IL1RL1: variants seen among roughly 807,000 people sequenced by gnomAD.
IL1RL1 encodes interleukin 1 receptor like 1, also known as interleukin-1 receptor-like 1.
In IL1RL1, 32 loss-of-function variants were observed where a neutral mutation model predicts 50.9. The observed-to-expected ratio is 0.63, with a 90% confidence interval of 0.47 to 0.84. The LOEUF (loss-of-function observed/expected upper bound fraction) is 0.84, where lower values mean the gene tolerates loss of function less well. Among genes scored for constraint, IL1RL1 ranks in the 40% least tolerant of loss-of-function variants. The probability of loss-of-function intolerance (pLI) is 0.00; values close to 1 mark genes in which losing one functional copy is unlikely to be tolerated. For missense variants in IL1RL1, 773 were observed against 662.9 expected (o/e 1.17, Z -1.82); for synonymous variants, 275 against 236.0 (o/e 1.17, Z -1.51).
At chr2:102,335,600 G>C (rs989250055) in intron 1 of IL1RL1, among the ~76,000 whole-genome samples, 1 of 152,138 alleles carries the variant, frequency 6.6e-6, no homozygotes, top group Non-Finnish European at 1.5e-5. Context: ...TTTATAGGAA[G>C]AGTTCAACTT....
intron 1 of IL1RL1, among the ~76,000 whole-genome samples, chr2:102,329,549 G>C (rs1302122761): frequency 1.3e-5 from 2 of 152,126 alleles, no homozygotes; most frequent in African/African-American, 4.8e-5. Flanking sequence ...AGAGTGAACA[G>C]GCAACTTACA....
chr2:102,339,151 G>C, intron 3 of IL1RL1, 104 bp downstream of exon 3: 1 of 751,568 alleles, frequency 1.3e-6, no homozygotes, highest in Non-Finnish European at 2.3e-6. Flanking sequence ...GTCCTTTCTG[G>C]AACAGTTAAA....
At chr2:102,329,220 C>G (rs534830869) in intron 1 of IL1RL1, among the ~76,000 whole-genome samples, 6 of 152,062 alleles carry the variant, frequency 3.9e-5, no homozygotes, top group Admixed American at 6.5e-5. Flanking sequence ...ACAAACCTGA[C>G]AAAAACAAGA....
intron 5 of IL1RL1, 59 bp from the exon 6 acceptor site, chr2:102,342,164 C>A: frequency 2.5e-6 from 3 of 1,184,726 alleles, no homozygotes; most frequent in Non-Finnish European, 3.7e-6. Flanking sequence ...AAAATACAAG[C>A]TTTATATTGA....
chr2:102,324,791 G>A (rs1478273852), intron 1 of IL1RL1, among the ~76,000 whole-genome samples: 1 of 152,364 alleles, frequency 6.6e-6, no homozygotes, highest in Non-Finnish European at 1.5e-5. Context: ...CAAGTTGGCA[G>A]CGAGGCTGTG....
At chr2:102,311,917 A>ATTATATAATATATATTATATATAATATT (rs1210956078) in intron 1 of IL1RL1, among the ~76,000 whole-genome samples, 5 of 56,180 alleles carry the variant, frequency 8.9e-5, no homozygotes, top group Non-Finnish European at 1.5e-4. Flanking sequence ...TATATATTTT[A>ATTATATAATATATATTATATATAATATT]TTATATAATA....
chr2:102,320,780 G>T (rs1246927389), intron 1 of IL1RL1, among the ~76,000 whole-genome samples: 1 of 152,134 alleles, frequency 6.6e-6, no homozygotes, highest in African/African-American at 2.4e-5. Flanking sequence ...CTCACCACCT[G>T]CACTTCCCCG....
chr2:102,329,730 G>A (rs1416388818), intron 1 of IL1RL1, among the ~76,000 whole-genome samples: 2 of 152,106 alleles, frequency 1.3e-5, no homozygotes, highest in African/African-American at 4.8e-5. Context: ...CAAAAGACAC[G>A]TGAAAAATTG....
intron 5 of IL1RL1, 57 bp downstream of exon 5, chr2:102,340,885 C>T: frequency 1.4e-6 from 2 of 1,379,688 alleles, no homozygotes; most frequent in Non-Finnish European, 1.9e-6. Flanking sequence ...GAAGTGGGAA[C>T]AGCGGTGCCC....
At chr2:102,311,941 ATAT>A (rs1473187959) in intron 1 of IL1RL1, among the ~76,000 whole-genome samples, 5,618 of 51,390 alleles carry the variant, frequency 0.11, 715 homozygotes, top group Middle Eastern at 0.41. Context: ...ATTATATATA[ATAT>A]TATATATAAT....
At chr2:102,319,685 C>T (rs546418519) in intron 1 of IL1RL1, among the ~76,000 whole-genome samples, 7 of 152,142 alleles carry the variant, frequency 4.6e-5, no homozygotes, top group South Asian at 2.1e-4. Flanking sequence ...TTGTATCTCT[C>T]GCCCTCTTTT....
intron 1 of IL1RL1, among the ~76,000 whole-genome samples, chr2:102,323,588 A>G (rs2104966181): frequency 6.6e-6 from 1 of 152,142 alleles, no homozygotes; most frequent in South Asian, 2.1e-4. Context: ...GAGAAGAAGC[A>G]AGGGGTGGGG....
At chr2:102,352,276 G>C (rs879257723), downstream of IL1RL1, among the ~76,000 whole-genome samples, 4 of 148,326 alleles carry the variant, frequency 2.7e-5, no homozygotes, top group Non-Finnish European at 5.9e-5. Flanking sequence ...CTAATCATTC[G>C]AGAGTAGATT....
chr2:102,351,523 C>T lies in IL1RL1; in HGVS notation c.1286-13C>T. The T allele has an allele frequency of 6.2e-7, 1 of 1,605,640 alleles. No homozygotes were observed. Among genetic ancestry groups the T allele is most frequent in the Non-Finnish European group, 8.5e-7 (1 of 1,174,466 alleles). On this transcript the variant is annotated splice_polypyrimidine_tract_variant and intron_variant, in intron 10 of 10. Transcript: ENST00000233954. ...GACTGATAAGAAATCTGATCTATTT[C>T]TTGTATGACTAGATGTAGTCACTGC...
intron 1 of IL1RL1, among the ~76,000 whole-genome samples, chr2:102,326,900 T>G (rs1191308363): frequency 2.0e-5 from 3 of 152,098 alleles, no homozygotes; most frequent in Non-Finnish European, 4.4e-5. Context: ...CACACAATAA[T>G]AATGGGAGAC....
intron 6 of IL1RL1, among the ~76,000 whole-genome samples, 154 bp from the exon 7 acceptor site, chr2:102,342,882 G>A (rs1289661586): frequency 2.0e-5 from 3 of 152,062 alleles, no homozygotes; most frequent in African/African-American, 7.2e-5. Flanking sequence ...AGGCAAGAGA[G>A]GACATAGAAA....
At chr2:102,347,057 T>C (rs1037505081) in intron 8 of IL1RL1, among the ~76,000 whole-genome samples, 3 of 152,180 alleles carry the variant, frequency 2.0e-5, no homozygotes, top group Non-Finnish European at 2.9e-5. Flanking sequence ...AACTTAGTAA[T>C]TTGACTTTTG....
intron 1 of IL1RL1, among the ~76,000 whole-genome samples, chr2:102,329,498 T>A (rs1016335100): frequency 1.3e-5 from 2 of 152,174 alleles, no homozygotes; most frequent in Non-Finnish European, 2.9e-5. Context: ...TGGGATCTAA[T>A]TAAACTAAAG....
At chr2:102,325,071 C>T (rs1283857774) in intron 1 of IL1RL1, among the ~76,000 whole-genome samples, 1 of 152,172 alleles carries the variant, frequency 6.6e-6, no homozygotes, top group Non-Finnish European at 1.5e-5. Flanking sequence ...GGTCCCTGAC[C>T]CCCGAGTAGC....
Sources: allele counts gnomAD v4.1 joint callset (sites outside exome capture counted in the v4.1 genomes callset), GRCh38; gene constraint gnomAD v4.1.1; transcripts MANE v1.5; gene names NCBI Gene and HGNC (gene_info 2026-07-23, HGNC 2026-07-21).